Variants in DNM2 observed in about 807,000 individuals in gnomAD.
DNM2 encodes dynamin-2.
DNM2 carries 15 observed loss-of-function variants against 99.0 expected under a neutral mutation model. The observed-to-expected ratio is 0.15, with a 90% CI of 0.10 to 0.23. The LOEUF (loss-of-function observed/expected upper bound fraction) is 0.23. Ranked by LOEUF, DNM2 falls within the 10% of genes least tolerant of loss-of-function variation. The pLI is 1.00. For synonymous variants in DNM2, 525 were observed against 481.2 expected, an observed-to-expected ratio of 1.09 and a Z score of -1.19; for missense variants, 742 against 1,189.4, an observed-to-expected ratio of 0.62 and a Z score of 5.53.
In DNM2 at chr19:10,830,629, G is replaced by C. The variant is rs548761784; in HGVS notation, c.2543+251G>C. On this transcript the variant is annotated intron_variant, in intron 20 of 20. Coordinates refer to ENST00000389253, the MANE Select transcript of DNM2 (RefSeq NM_001005361.3). This position sits in a 1 kb window ranked among gnomAD's most constrained non-coding sequence, Gnocchi z 4.8. ...CTCTGCCTACTGGGGTGTGCCACCA[G>C]GCAGCTGGGGAACCCTCACACTGGG... 23 of 596,158 alleles carry C rather than the reference G, an allele frequency of 3.9e-5. No homozygotes were observed. In the African/African-American group the frequency reaches 4.1e-4, roughly 11 times the overall value. 36.9% of individuals were successfully genotyped at this position (596,158 alleles called of 1,614,324 possible).
rs1449726835 is a variant in DNM2, at chr19:10,768,376, C to T, written c.236-4103C>T. Among the ~76,000 whole-genome samples the T allele has an allele frequency of 2.0e-5, 3 of 152,226 alleles. No homozygotes were observed. In the South Asian group the frequency reaches 6.2e-4, roughly 32 times the overall value. ...GGCTAAGGTAGGAGAATGGCATGAA[C>T]CCAGGAGGCAGAGTTTGCAGTGAGC... On this transcript the variant is annotated intron_variant, in intron 2 of 20. Transcript: ENST00000389253.
At chr19:10,732,164 A>G (rs1355356507) in intron 1 of DNM2, among the ~76,000 whole-genome samples, 3 of 150,302 alleles carry the variant, frequency 2.0e-5, no homozygotes, top group Admixed American at 2.0e-4. Flanking sequence ...CCATGGCCAG[A>G]CTGGTCTTGA....
chr19:10,800,604 CAGGTCCG>C (rs1468978860), intron 11 of DNM2, among the ~76,000 whole-genome samples: 1 of 152,378 alleles, frequency 6.6e-6, no homozygotes, highest in East Asian at 1.9e-4. Flanking sequence ...CAGCAGGCGA[CAGGTCCG>C]AGTGCCTTGC....
intron 1 of DNM2, among the ~76,000 whole-genome samples, chr19:10,723,097 C>G (rs926954870): frequency 6.6e-6 from 1 of 150,916 alleles, no homozygotes; most frequent in African/African-American, 2.4e-5. Context: ...TCCCGAGTAG[C>G]TGGGACTACA....
chr19:10,760,465 T>C (rs1013204878), intron 2 of DNM2, among the ~76,000 whole-genome samples: 2 of 152,100 alleles, frequency 1.3e-5, no homozygotes, highest in African/African-American at 4.8e-5. Flanking sequence ...TAAAGACGCC[T>C]GTCTACAAAG....
At chr19:10,723,364 C>T (rs926640852) in intron 1 of DNM2, among the ~76,000 whole-genome samples, 15 of 152,132 alleles carry the variant, frequency 9.9e-5, no homozygotes, top group Non-Finnish European at 2.2e-4. Flanking sequence ...AACTCCCGAC[C>T]TCAGGTGATC....
rs369829798 is a variant in DNM2 at position 10,748,697 on chromosome 19, C to T, written c.162-11041C>T. On this transcript the variant is annotated intron_variant, in intron 1 of 20. Coordinates refer to ENST00000389253, the MANE Select transcript of DNM2 (RefSeq NM_001005361.3). ...TCGTGTCCTGGCTCTGCTCCTCCCTCGCTGAGCGTCCTGGGCAAGTCCTGA... is the reference window on the plus strand; with the variant it reads ...TCGTGTCCTGGCTCTGCTCCTCCCTTGCTGAGCGTCCTGGGCAAGTCCTGA... 1.2e-3 allele frequency among the ~76,000 whole-genome samples: 188 copies of T among 152,320 alleles called. 2 individuals are homozygous for T. Among genetic ancestry groups the T allele is most frequent in the African/African-American group, 4.4e-3 (184 of 41,572 alleles).
chr19:10,751,030 A>G (rs1458993548), intron 1 of DNM2, among the ~76,000 whole-genome samples: 1 of 152,100 alleles, frequency 6.6e-6, no homozygotes, highest in Non-Finnish European at 1.5e-5. Flanking sequence ...CACACAGCTC[A>G]GATGGGGGTA....
chr19:10,732,708 TA>T (rs531740727), intron 1 of DNM2, among the ~76,000 whole-genome samples: 5,718 of 147,612 alleles, frequency 0.039, 119 homozygotes, highest in South Asian at 0.098. Context: ...CCAGATTTTT[TA>T]TATATATATA....
Position 10,823,860 on chromosome 19 carries a change from C to T in DNM2, c.1854C>T (p.Ala618=). 1 of 1,613,840 alleles carries T rather than the reference C, an allele frequency of 6.2e-7. No homozygotes were observed. The highest frequency in any genetic ancestry group is 8.5e-7 in the Non-Finnish European group (1 of 1,180,016). Residue 618 remains alanine (A), a synonymous_variant, in exon 17 of 21, where the codon GCC becomes GCT. Coordinates refer to ENST00000389253, the MANE Select transcript of DNM2 (RefSeq NM_001005361.3). Reference sequence around the variant, plus strand: ...AGGAAGACGTGGACAGCTGGAAGGCCTCGTTCCTCCGAGCTGGCGTCTACC... The same window carrying T: ...AGGAAGACGTGGACAGCTGGAAGGCTTCGTTCCTCCGAGCTGGCGTCTACC... ...DSQEDVDSWK[A]SFLRAGVYPE... is the part of the protein sequence containing the mutation.
At chr19:10,761,762 A>G (rs1244886934) in intron 2 of DNM2, among the ~76,000 whole-genome samples, 1 of 152,120 alleles carries the variant, frequency 6.6e-6, no homozygotes, top group Non-Finnish European at 1.5e-5. Flanking sequence ...TTGGCCTCCC[A>G]AGACTCCTCA....
chr19:10,746,688 G>A (rs1004893306), intron 1 of DNM2, among the ~76,000 whole-genome samples: 8 of 151,380 alleles, frequency 5.3e-5, no homozygotes, highest in African/African-American at 9.7e-5. Context: ...CCAAAGTGCC[G>A]GGATTACAGG....
chr19:10,784,181 A>G (rs1174686362), intron 6 of DNM2, among the ~76,000 whole-genome samples: 1 of 152,114 alleles, frequency 6.6e-6, no homozygotes, highest in Non-Finnish European at 1.5e-5. Context: ...TTTCATGCAC[A>G]TATCAGGGGG....
chr19:10,830,453 G>A lies in DNM2; in HGVS notation c.2543+75G>A. ...TCTCCTCCTGTCTCACTTCCTCCCAGTGAGCTCTCACTACGTGCCCAGCTG... is the reference window on the plus strand; with the variant it reads ...TCTCCTCCTGTCTCACTTCCTCCCAATGAGCTCTCACTACGTGCCCAGCTG... On this transcript the variant is annotated intron_variant, in intron 20 of 20. Coordinates refer to ENST00000389253, the MANE Select transcript of DNM2 (RefSeq NM_001005361.3). The surrounding 1 kb of genome is among the most constrained non-coding windows in gnomAD (Gnocchi z 4.8). The A allele has an allele frequency of 7.9e-6, 12 of 1,517,868 alleles. No homozygotes were observed. Among genetic ancestry groups the A allele is most frequent in the Non-Finnish European group, 1.1e-5 (12 of 1,113,782 alleles). The allele number at this position is 1,517,868 out of a possible 1,614,324, so 94.0% of individuals were successfully genotyped here. A position where few individuals can be genotyped will look rare whatever the true frequency, so the allele number is the denominator to read the frequency against.
intron 6 of DNM2, chr19:10,786,329 G>T: frequency 1.6e-6 from 1 of 629,958 alleles, no homozygotes; most frequent in Non-Finnish European, 2.8e-6. Context: ...GCCTGATGTC[G>T]GCCCCGTGGG....
At chr19:10,813,901 G>T (rs1246138095) in intron 15 of DNM2, among the ~76,000 whole-genome samples, 1 of 152,012 alleles carries the variant, frequency 6.6e-6, no homozygotes, top group Non-Finnish European at 1.5e-5. Context: ...AGTGGCTCAT[G>T]CCTGTAATCT....
At chr19:10,742,949 T>C (rs1186114498) in intron 1 of DNM2, among the ~76,000 whole-genome samples, 11 of 149,796 alleles carry the variant, frequency 7.3e-5, no homozygotes, top group Non-Finnish European at 1.5e-4. Flanking sequence ...AGTCTCCCTC[T>C]GTCATGCAGG....
At chr19:10,719,173 C>T (rs1178265875) in intron 1 of DNM2, among the ~76,000 whole-genome samples, 1 of 151,990 alleles carries the variant, frequency 6.6e-6, no homozygotes, top group Non-Finnish European at 1.5e-5. Context: ...GTCTGGCCAT[C>T]TCCTAGTCTG....
rs192151661 is a variant in DNM2, at chr19:10,806,486, C to T, written c.1545+519C>T. Reference sequence around the variant, plus strand: ...GACCATCCGGGGCAATACAATGAGACCTCATCTTAAAAATTAATAATAGGC... The same window carrying T: ...GACCATCCGGGGCAATACAATGAGATCTCATCTTAAAAATTAATAATAGGC... On this transcript the variant is annotated intron_variant, in intron 13 of 20. Transcript: ENST00000389253. 4.0e-5 allele frequency among the ~76,000 whole-genome samples: 6 copies of T among 151,712 alleles called. No individual in the cohort carries two copies. The East Asian group carries it at 1.2e-3, about 29-fold the overall frequency.
Sources: allele counts gnomAD v4.1 joint callset (sites outside exome capture counted in the v4.1 genomes callset), GRCh38; gene constraint gnomAD v4.1.1; non-coding constraint Gnocchi (gnomAD v3.1); transcripts MANE v1.5; gene names NCBI Gene and HGNC (gene_info 2026-07-23, HGNC 2026-07-21).